DISP1: variants seen among roughly 807,000 people sequenced by gnomAD.
The protein encoded by DISP1 is dispatched RND transporter family member 1.
In DISP1, 30 loss-of-function variants were observed where a neutral mutation model predicts 37.3. The observed-to-expected ratio is 0.80, with a 90% CI of 0.60 to 1.09. DISP1 has a LOEUF of 1.09. DISP1 is among the 50% of genes least tolerant of loss of function. The pLI, the probability that DISP1 is intolerant of heterozygous loss-of-function variation, is 0.00. For synonymous variants in DISP1, 634 were observed against 690.2 expected (o/e 0.92, Z 1.28); for missense variants, 1,598 against 1,879.5 (o/e 0.85, Z 2.77).
Position 222,893,066 on chromosome 1 carries a change from T to C in DISP1, c.-158-35364T>C, listed in dbSNP as rs1671024299. Reference sequence around the variant, plus strand: ...GACATGTGTTAATGTTTACTTCACTTGATGTTTTCTATTATTAGATGTCTA... The same window carrying C: ...GACATGTGTTAATGTTTACTTCACTCGATGTTTTCTATTATTAGATGTCTA... On this transcript the variant is annotated intron_variant, in intron 1 of 8. Transcript: ENST00000675850. The surrounding 1 kb of genome is among the most constrained non-coding windows in gnomAD (Gnocchi z 4.3). Among the ~76,000 whole-genome samples the C allele has an allele frequency of 6.6e-6, 1 of 152,266 alleles. No homozygotes were observed. Among genetic ancestry groups the C allele is most frequent in the African/African-American group, 2.4e-5 (1 of 41,474 alleles).
intron 1 of DISP1, among the ~76,000 whole-genome samples, chr1:222,918,989 G>A (rs1267488822): frequency 6.6e-6 from 1 of 152,206 alleles, no homozygotes; most frequent in Non-Finnish European, 1.5e-5. Context: ...AAACCGTGTG[G>A]GTGCCCTCAA....
intron 4 of DISP1, among the ~76,000 whole-genome samples, chr1:222,985,684 C>T (rs575416419): frequency 2.0e-5 from 3 of 152,126 alleles, no homozygotes; most frequent in Non-Finnish European, 4.4e-5. Flanking sequence ...AAAGCACACA[C>T]TTTTTTTAAC....
chr1:222,925,567 C>G (rs777911148), intron 1 of DISP1, among the ~76,000 whole-genome samples: 2 of 152,074 alleles, frequency 1.3e-5, no homozygotes, highest in African/African-American at 4.8e-5. Flanking sequence ...TATATTTCCT[C>G]AAGTAAATAT....
chr1:222,983,062 T>A lies in DISP1; in HGVS notation c.510-18T>A. On this transcript the variant is annotated intron_variant, in intron 3 of 8. Transcript: ENST00000675850. ...GCTCTGTTTTTGATCATTTTTCCTT[T>A]GCTTTTTTTTTTTTCAGACCATCCA... 1 of 1,583,946 alleles carries A rather than the reference T, an allele frequency of 6.3e-7. No individual in the cohort carries two copies. The highest frequency in any genetic ancestry group is 8.6e-7 in the Non-Finnish European group (1 of 1,163,594).
At chr1:222,936,001 A>G (rs1012442573) in intron 2 of DISP1, among the ~76,000 whole-genome samples, 83 of 152,208 alleles carry the variant, frequency 5.5e-4, no homozygotes, top group African/African-American at 1.9e-3. Flanking sequence ...ATGGAGATGA[A>G]AAATTCCTAT....
Position 222,992,000 on chromosome 1 carries a change from C to T in DISP1, c.792-13C>T, listed in dbSNP as rs374660785. 18 of 1,593,248 alleles carry T rather than the reference C, an allele frequency of 1.1e-5. No homozygotes were observed. The African/African-American group carries it at 1.6e-4, about 14-fold the overall frequency. ...AGAACTTTATTGAAGATCAAATTGT[C>T]GTTCCATTTCAGCCATCGGGATGAT... On this transcript the variant is annotated splice_polypyrimidine_tract_variant and intron_variant, in intron 6 of 8. Coordinates refer to ENST00000675850, the MANE Select transcript of DISP1 (RefSeq NM_001377229.1).
chr1:222,840,895 A>G (rs1287411685), intron 1 of DISP1, among the ~76,000 whole-genome samples: 1 of 152,136 alleles, frequency 6.6e-6, no homozygotes, highest in Non-Finnish European at 1.5e-5. Context: ...AATAATTACA[A>G]AACCCCAATT....
At position 222,983,076 on chromosome 1, in the gene DISP1, TC is replaced by T; in HGVS notation, c.510-3del. On this transcript the variant is annotated splice_polypyrimidine_tract_variant and splice_region_variant and intron_variant, in intron 3 of 8. Transcript: ENST00000675850. ...CATTTTTCCTTTGCTTTTTTTTTTTTCAGACCATCCAGACCTTTCAAGTTGC... is the reference window on the plus strand; with the variant it reads ...CATTTTTCCTTTGCTTTTTTTTTTTTAGACCATCCAGACCTTTCAAGTTGC... The T allele has an allele frequency of 6.3e-7, 1 of 1,593,550 alleles. No homozygotes were observed. The highest frequency in any genetic ancestry group is 1.2e-5 in the South Asian group (1 of 86,776).
intron 3 of DISP1, among the ~76,000 whole-genome samples, chr1:222,944,057 C>CAA (rs1201710890): frequency 6.6e-6 from 1 of 151,762 alleles, no homozygotes; most frequent in African/African-American, 2.4e-5. Context: ...ACAACAACAA[C>CAA]AAAAAAACAC....
chr1:222,837,258 T>C (rs1347605442), intron 1 of DISP1: 3 of 391,914 alleles, frequency 7.7e-6, no homozygotes, highest in Non-Finnish European at 1.3e-5. Flanking sequence ...TGGACGCCAA[T>C]TGATGAAGAC....
At position 223,002,536 on chromosome 1, in the gene DISP1, A is replaced by G. The variant is rs754635457; in HGVS notation, c.1139A>G (p.Lys380Arg). The stretch of plus-strand genomic sequence containing the variant: ...GAGCGAGACGTTTCTCATACCTTGA[A>G]GCTGCTTCGGACTTGTGCCAAACAC... Reference protein sequence around the residue: ...IVERDVSHTLKLLRTCAKHYQ... With the variant: ...IVERDVSHTLRLLRTCAKHYQ... Residue 380 changes from lysine to arginine, a missense_variant, in exon 9 of 9, where the codon AAG becomes AGG. Coordinates refer to ENST00000675850, the MANE Select transcript of DISP1 (RefSeq NM_001377229.1). The G allele has an allele frequency of 1.9e-6, 3 of 1,614,052 alleles. No individual in the cohort carries two copies. The highest frequency in any genetic ancestry group is 1.3e-5 in the African/African-American group (1 of 74,910).
chr1:222,979,751 T>C (rs566256089), intron 3 of DISP1: 1 of 448,092 alleles, frequency 2.2e-6, no homozygotes, highest in South Asian at 1.6e-5. Flanking sequence ...CGTCCCTCTA[T>C]GCATACTTGG....
intron 3 of DISP1, among the ~76,000 whole-genome samples, chr1:222,975,384 C>A (rs1385968767): frequency 6.6e-6 from 1 of 152,076 alleles, no homozygotes; most frequent in African/African-American, 2.4e-5. Context: ...GAATAGAATT[C>A]TCTAGACTGA....
intron 1 of DISP1, among the ~76,000 whole-genome samples, chr1:222,836,617 CAGTT>C (rs1288207806): frequency 3.3e-5 from 5 of 151,700 alleles, no homozygotes; most frequent in African/African-American, 7.3e-5. Context: ...TAAAATGAGA[CAGTT>C]AGAATTAAAT....
intron 1 of DISP1, among the ~76,000 whole-genome samples, chr1:222,891,263 G>A (rs1670923995): frequency 6.6e-6 from 1 of 152,156 alleles, no homozygotes; most frequent in Non-Finnish European, 1.5e-5. Context: ...AGGTAGAATA[G>A]ATAGAGGGGA....
intron 2 of DISP1, among the ~76,000 whole-genome samples, chr1:222,942,100 GA>G (rs908962448): frequency 2.9e-4 from 40 of 136,542 alleles, no homozygotes; most frequent in Middle Eastern, 7.1e-3. Context: ...TTGGTGGAAG[GA>G]AAAAAAAAAG....
intron 1 of DISP1, among the ~76,000 whole-genome samples, chr1:222,846,910 GT>G (rs2125301350): frequency 6.6e-6 from 1 of 152,270 alleles, no homozygotes; most frequent in Admixed American, 6.5e-5. Context: ...AGTTTCCGTT[GT>G]GATAATTTTT....
chr1:222,887,501 T>TCAAAATG (rs1433448365), intron 1 of DISP1, among the ~76,000 whole-genome samples: 1 of 104,302 alleles, frequency 9.6e-6, no homozygotes, highest in Admixed American at 8.2e-5. Flanking sequence ...TTTTTTTTTT[T>TCAAAATG]TTTTTTTTGA....
chr1:222,995,864 G>A (rs1679031769), intron 8 of DISP1, among the ~76,000 whole-genome samples: 2 of 152,062 alleles, frequency 1.3e-5, no homozygotes, highest in East Asian at 1.9e-4. Flanking sequence ...TCACCTGTTC[G>A]GTCAACAGGG....
Sources: gnomAD v4.1 joint callset for allele counts (sites outside exome capture counted in the v4.1 genomes callset) on GRCh38, gnomAD v4.1.1 for gene constraint, Gnocchi (gnomAD v3.1) non-coding constraint, MANE v1.5 for transcripts, NCBI Gene and HGNC (gene_info 2026-07-23, HGNC 2026-07-21) for gene names.